The following TM7SF3 variants were observed in gnomAD, a reference collection of about 807,000 sequenced individuals.
The protein encoded by TM7SF3 is seven span transmembrane protein.
TM7SF3 carries 60 observed loss-of-function variants against 65.5 expected under a neutral mutation model. The observed-to-expected ratio is 0.92, with a 90% CI of 0.74 to 1.14. The LOEUF is 1.14. TM7SF3 is among the 50% of genes most tolerant of loss of function. The pLI, the probability that TM7SF3 is intolerant of heterozygous loss-of-function variation, is 0.00. For synonymous variants in TM7SF3, 264 were observed against 259.6 expected, an observed-to-expected ratio of 1.02 and a Z score of -0.16; for missense variants, 623 against 684.8, an observed-to-expected ratio of 0.91 and a Z score of 1.01.
intron 6 of TM7SF3, among the ~76,000 whole-genome samples, chr12:26,985,564 G>A (rs1940011224): frequency 7.1e-6 from 1 of 140,988 alleles, no homozygotes; most frequent in Non-Finnish European, 1.5e-5. Flanking sequence ...GGCAGTGGTT[G>A]CAGTGAGCTG....
chr12:26,985,948 T>C (rs1461521816), intron 6 of TM7SF3, among the ~76,000 whole-genome samples: 1 of 150,034 alleles, frequency 6.7e-6, no homozygotes, highest in African/African-American at 2.4e-5. Flanking sequence ...GCCTCCCTAG[T>C]AGCTGGGACT....
chr12:26,980,616 C>A lies in TM7SF3; in HGVS notation c.986G>T (p.Gly329Val). ...TGTAATCAGTATATAAAAGAAGAAT[C>A]CCATGATGATAAAGCCTATGAAGAA... Reference protein sequence around the residue: ...ELFFIGFIIMGFFFYILITRL... With the variant: ...ELFFIGFIIMVFFFYILITRL... Residue 329 changes from glycine (G) to valine (V), a missense_variant, in exon 8 of 12, where the codon GGA becomes GTA. Gly to Val is a moderately radical substitution (Grantham distance 109). Transcript: ENST00000343028. The A allele has an allele frequency of 6.3e-7, 1 of 1,577,938 alleles. No homozygotes were observed. The highest frequency in any genetic ancestry group is 8.7e-7 in the Non-Finnish European group (1 of 1,155,274).
chr12:27,003,783 G>A lies in TM7SF3; in HGVS notation c.92-393C>T, dbSNP rs572871336. 1.4e-4 allele frequency among the ~76,000 whole-genome samples: 22 copies of A among 152,306 alleles called. No individual in the cohort carries two copies. The South Asian group carries it at 3.9e-3, about 27-fold the overall frequency. The stretch of plus-strand genomic sequence containing the variant: ...GTGCTGGTGTTAAAGAACCATAACC[G>A]TCTAGTGAATTCTGAAGTCAGCGTA... On this transcript the variant is annotated intron_variant, in intron 1 of 11. Transcript: ENST00000343028.
Position 27,003,401 on chromosome 12 carries a change from A to T in TM7SF3, c.92-11T>A. ...AAAATTCAATAAGACCTACAACGAG[A>T]TAAACTTTTCATTACAACACTTGTA... On this transcript the variant is annotated splice_polypyrimidine_tract_variant and intron_variant, in intron 1 of 11. Coordinates refer to ENST00000343028, the MANE Select transcript of TM7SF3 (RefSeq NM_016551.3). 1 of 1,602,892 alleles carries T rather than the reference A, an allele frequency of 6.2e-7. No homozygotes were observed. Among genetic ancestry groups the T allele is most frequent in the South Asian group, 1.1e-5 (1 of 88,766 alleles).
Position 26,995,312 on chromosome 12 carries a change from G to T in TM7SF3, c.615C>A (p.Asp205Glu), listed in dbSNP as rs1013223021. 2.5e-6 allele frequency: 4 copies of T among 1,614,132 alleles called. No homozygotes were observed. Among genetic ancestry groups the T allele is most frequent in the Non-Finnish European group, 8.5e-7 (1 of 1,180,018 alleles). The change falls in exon 5 of 12, where the codon GAC becomes GAA. Residue 205 changes from aspartate to glutamate, a missense_variant. Transcript: ENST00000343028. ...GCTTCAGCAACATCTCCTCAGTGAG[G>T]TCATTCTCAGGCAGAAAATACTGAT... ...DVYQYFLPEN[D>E]LTEEMLLKHL...
chr12:27,011,159 C>T (rs1592322502), intron 1 of TM7SF3, among the ~76,000 whole-genome samples: 2 of 152,300 alleles, frequency 1.3e-5, no homozygotes, highest in East Asian at 3.9e-4. Context: ...AAAGGGAACA[C>T]AAAAATGAAC....
At chr12:27,009,300 G>C (rs1941158448) in intron 1 of TM7SF3, among the ~76,000 whole-genome samples, 1 of 152,036 alleles carries the variant, frequency 6.6e-6, no homozygotes, top group South Asian at 2.1e-4. Context: ...AAACCTGCTG[G>C]GATTTTGATT....
At chr12:26,995,701 G>A (rs999442671) in intron 4 of TM7SF3, among the ~76,000 whole-genome samples, 4 of 152,128 alleles carry the variant, frequency 2.6e-5, no homozygotes, top group East Asian at 3.8e-4. Flanking sequence ...CTAATGAATC[G>A]AATTACTGCC....
intron 1 of TM7SF3, among the ~76,000 whole-genome samples, chr12:27,004,577 T>G (rs1417013940): frequency 6.6e-6 from 1 of 152,126 alleles, no homozygotes; most frequent in Non-Finnish European, 1.5e-5. Context: ...TCAACACTTT[T>G]TTTTTTAATA....
Position 26,989,144 on chromosome 12 carries a change from G to A in TM7SF3, c.868+1306C>T, listed in dbSNP as rs117324191. Among the ~76,000 whole-genome samples the A allele has an allele frequency of 4.3e-4, 65 of 152,208 alleles. 1 individual carries two copies. The East Asian group carries it at 0.011, about 26-fold the overall frequency. On this transcript the variant is annotated intron_variant, in intron 6 of 11. Coordinates refer to ENST00000343028, the MANE Select transcript of TM7SF3 (RefSeq NM_016551.3). ...AGTAGTTAATTTTGGGGAAGTCAAAGTTATACACGGGTGGGGTATGGTGGC... is the reference window on the plus strand; with the variant it reads ...AGTAGTTAATTTTGGGGAAGTCAAAATTATACACGGGTGGGGTATGGTGGC...
intron 8 of TM7SF3, 172 bp from the exon 9 acceptor site, chr12:26,980,108 TCTGG>T: frequency 2.7e-6 from 2 of 728,222 alleles, no homozygotes; most frequent in Non-Finnish European, 4.4e-6. Context: ...TAGGGAGGGG[TCTGG>T]GCTGAGACAA....
At chr12:27,008,770 C>T (rs192359813) in intron 1 of TM7SF3, among the ~76,000 whole-genome samples, 5 of 152,216 alleles carry the variant, frequency 3.3e-5, no homozygotes, top group Admixed American at 6.5e-5. Flanking sequence ...AAAATACCAC[C>T]CTGTAGTACC....
intron 6 of TM7SF3, among the ~76,000 whole-genome samples, chr12:26,983,334 T>C (rs897541353): frequency 2.5e-4 from 38 of 152,174 alleles, no homozygotes; most frequent in Non-Finnish European, 1.0e-4. Context: ...GCAACCTGAT[T>C]CAAACAAACT....
intron 1 of TM7SF3, among the ~76,000 whole-genome samples, chr12:27,010,289 AAAAG>A (rs984151692): frequency 4.6e-5 from 7 of 152,228 alleles, no homozygotes; most frequent in Admixed American, 2.6e-4. Flanking sequence ...TTATTGAAAG[AAAAG>A]AAAGAAAGAA....
chr12:26,998,022 C>T (rs1034466758), intron 3 of TM7SF3, among the ~76,000 whole-genome samples: 1 of 152,050 alleles, frequency 6.6e-6, no homozygotes, highest in Non-Finnish European at 1.5e-5. Context: ...GATAGAGTTT[C>T]GCCATGTTGG....
At chr12:26,983,233 G>T (rs866065126) in intron 6 of TM7SF3, among the ~76,000 whole-genome samples, 1 of 150,682 alleles carries the variant, frequency 6.6e-6, no homozygotes, top group Non-Finnish European at 1.5e-5. Flanking sequence ...CAGGGAGTGG[G>T]GGGGAGGTGG....
At position 26,974,178 on chromosome 12, in the gene TM7SF3, C is replaced by T. The variant is rs1302092276; in HGVS notation, c.1500G>A (p.Thr500=). The T allele has an allele frequency of 9.9e-6, 16 of 1,614,128 alleles. No homozygotes were observed. The highest frequency in any genetic ancestry group is 5.5e-5 in the South Asian group (5 of 91,080). The change falls in exon 12 of 12, where the codon ACG becomes ACA. Residue 500 remains threonine, a synonymous_variant. Coordinates refer to ENST00000343028, the MANE Select transcript of TM7SF3 (RefSeq NM_016551.3). The stretch of plus-strand genomic sequence containing the variant: ...GTCCTCTCTCTCTTCGAATCTGTAA[C>T]GTAATTCCACTTACAGCCAGCATGC... The part of the protein sequence containing the change: ...VWGMLAVSGI[T]LQIRRERGRP...
chr12:27,007,341 C>A (rs1016220164), intron 1 of TM7SF3, among the ~76,000 whole-genome samples: 1 of 152,118 alleles, frequency 6.6e-6, no homozygotes, highest in Non-Finnish European at 1.5e-5. Context: ...AAAACCTGGT[C>A]ACTTGACAAA....
At chr12:26,990,376 G>A in intron 6 of TM7SF3, 74 bp downstream of exon 6, 4 of 1,123,756 alleles carry the variant, frequency 3.6e-6, no homozygotes, top group Non-Finnish European at 5.3e-6. Context: ...TGTGTTGAAT[G>A]AATGAGAACT....
Sources: gnomAD v4.1 joint callset for allele counts (sites outside exome capture counted in the v4.1 genomes callset) on GRCh38, gnomAD v4.1.1 for gene constraint, MANE v1.5 for transcripts, NCBI Gene and HGNC (gene_info 2026-07-23, HGNC 2026-07-21) for gene names.